The following BACH1 variants were observed in gnomAD, a reference collection of about 807,000 sequenced individuals.
BACH1 encodes the protein BTB domain and CNC homolog 1, also known as transcription regulator protein BACH1.
In BACH1, 35 loss-of-function variants were observed where a neutral mutation model predicts 52.9. The ratio of observed to expected loss-of-function variants is 0.66; its 90% CI spans 0.51 to 0.88. The LOEUF (loss-of-function observed/expected upper bound fraction) is 0.88. Among genes scored for constraint, BACH1 ranks in the 40% least tolerant of loss-of-function variants. The pLI is 0.00. For synonymous variants in BACH1, 321 were observed against 319.6 expected, an observed-to-expected ratio of 1.00 and a Z score of -0.05; for missense variants, 808 against 872.6, an observed-to-expected ratio of 0.93 and a Z score of 0.93.
chr21:29,341,217 AT>A (rs1158342076), intron 4 of BACH1, among the ~76,000 whole-genome samples: 24 of 152,314 alleles, frequency 1.6e-4, no homozygotes, highest in African/African-American at 5.8e-4. Flanking sequence ...CTTTTATGTC[AT>A]AAAAGACTAA....
intron 4 of BACH1, among the ~76,000 whole-genome samples, chr21:29,332,430 G>A (rs1242388399): frequency 6.6e-6 from 1 of 152,198 alleles, no homozygotes; most frequent in African/African-American, 2.4e-5. Flanking sequence ...TGAATGGTCA[G>A]TATCCTGTTT....
At chr21:29,329,165 A>G (rs920768656) in intron 3 of BACH1, among the ~76,000 whole-genome samples, 1 of 152,152 alleles carries the variant, frequency 6.6e-6, no homozygotes, top group Non-Finnish European at 1.5e-5. Context: ...AAAATTAGCC[A>G]GGCATGGTGG....
intron 1 of BACH1, among the ~76,000 whole-genome samples, chr21:29,309,859 C>T (rs956772853): frequency 6.6e-6 from 1 of 152,100 alleles, no homozygotes; most frequent in Non-Finnish European, 1.5e-5. Context: ...TTTAACACTT[C>T]ATATTTTTCA....
downstream of BACH1, among the ~76,000 whole-genome samples, chr21:29,347,391 G>A (rs1026035681): frequency 6.6e-6 from 1 of 152,164 alleles, no homozygotes; most frequent in Non-Finnish European, 1.5e-5. Context: ...ACTTAATGAC[G>A]CTAAAAATTT....
intron 4 of BACH1, among the ~76,000 whole-genome samples, chr21:29,331,825 G>A (rs565774151): frequency 4.6e-5 from 7 of 152,248 alleles, no homozygotes; most frequent in African/African-American, 1.2e-4. Flanking sequence ...TGCCTGGCAC[G>A]TAGTAACTAC....
chr21:29,358,800 A>AAGAAAG (rs1555888624), intron 2 of BACH1, among the ~76,000 whole-genome samples: 3 of 137,470 alleles, frequency 2.2e-5, no homozygotes, highest in African/African-American at 7.5e-5. Context: ...GAAAGAAAGA[A>AAGAAAG]AGAAAGAAAG....
chr21:29,313,958 A>T (rs2123422085), intron 1 of BACH1, among the ~76,000 whole-genome samples: 1 of 152,262 alleles, frequency 6.6e-6, no homozygotes, highest in Non-Finnish European at 1.5e-5. Flanking sequence ...TTAAATAGAT[A>T]TGGTTTATTC....
chr21:29,299,662 G>A (rs935220249), intron 1 of BACH1: 2 of 152,232 alleles, frequency 1.3e-5, no homozygotes. Flanking sequence ...CACGAGTGCC[G>A]TTGCTTTCTC....
At chr21:29,306,610 A>G (rs2088660970) in intron 1 of BACH1, among the ~76,000 whole-genome samples, 1 of 152,146 alleles carries the variant, frequency 6.6e-6, no homozygotes. Context: ...TTGAGAGTAG[A>G]TACGTGAGCA....
rs1184481687 is a variant in BACH1 at position 29,298,939 on chromosome 21, C to G, written c.-75C>G. ...CTCGCTTCAGTCAGTCGGGCCGCGC[C>G]GCGCCTCAGCTCTGGTGAGTGGCTC... is the stretch of plus-strand genomic sequence containing the variant. On this transcript the variant is annotated 5_prime_UTR_variant, in exon 1 of 5. Transcript: ENST00000286800. The G allele has an allele frequency of 4.6e-5, 7 of 150,910 alleles. No individual in the cohort carries two copies. The highest frequency in any genetic ancestry group is 1.2e-4 in the African/African-American group (5 of 40,434). 9.3% of individuals were successfully genotyped at this position (150,910 alleles called of 1,614,324 possible).
chr21:29,322,789 G>T (rs1052987639), intron 2 of BACH1, among the ~76,000 whole-genome samples: 6 of 152,174 alleles, frequency 3.9e-5, no homozygotes, highest in Non-Finnish European at 2.9e-5. Context: ...TGTTAGTTTT[G>T]TAGCAGAGGT....
At chr21:29,330,165 C>A (rs1465164714) in intron 4 of BACH1, among the ~76,000 whole-genome samples, 1 of 151,826 alleles carries the variant, frequency 6.6e-6, no homozygotes, top group Non-Finnish European at 1.5e-5. Context: ...GCTTTTGAAT[C>A]TTTTCTTTTT....
intron 1 of BACH1, among the ~76,000 whole-genome samples, chr21:29,311,892 T>C (rs2088727575): frequency 6.6e-6 from 1 of 152,226 alleles, no homozygotes; most frequent in Admixed American, 6.5e-5. Flanking sequence ...TAATTAAGTC[T>C]CTCATTATTT....
chr21:29,340,507 C>T (rs1414792003), intron 4 of BACH1, among the ~76,000 whole-genome samples: 1 of 152,132 alleles, frequency 6.6e-6, no homozygotes, highest in Non-Finnish European at 1.5e-5. Flanking sequence ...TATTTGTAAT[C>T]TTCATAGTAT....
intron 1 of BACH1, among the ~76,000 whole-genome samples, chr21:29,318,297 G>C (rs1233793809): frequency 6.6e-6 from 1 of 152,218 alleles, no homozygotes; most frequent in Non-Finnish European, 1.5e-5. Context: ...GTGGACCCCA[G>C]TGCTAAGAGG....
At chr21:29,324,030 T>A (rs1276832957) in intron 2 of BACH1, among the ~76,000 whole-genome samples, 1 of 152,088 alleles carries the variant, frequency 6.6e-6, no homozygotes, top group Non-Finnish European at 1.5e-5. Flanking sequence ...GGCAGGCAGA[T>A]CACCTGAGGT....
chr21:29,342,469 A>G lies in BACH1; in HGVS notation c.1847A>G (p.Asn616Ser). 2 of 1,614,250 alleles carry G rather than the reference A, an allele frequency of 1.2e-6. No individual in the cohort carries two copies. The highest frequency in any genetic ancestry group is 8.5e-7 in the Non-Finnish European group (1 of 1,180,044). ...ILSTLGETKQ[N>S]LTGLCQKVCK... is the part of the protein sequence containing the mutation. Reference sequence around the variant, plus strand: ...TCAACTCTGGGTGAGACAAAGCAGAACCTAACTGGACTTTGCCAGAAAGTT... The same window carrying G: ...TCAACTCTGGGTGAGACAAAGCAGAGCCTAACTGGACTTTGCCAGAAAGTT... Residue 616 changes from asparagine to serine, a missense_variant, in exon 5 of 5, where the codon AAC becomes AGC. Asn to Ser is a conservative substitution (Grantham distance 46). Coordinates refer to ENST00000286800, the MANE Select transcript of BACH1 (RefSeq NM_001186.4).
chr21:29,337,607 T>C (rs1385128104), intron 4 of BACH1, among the ~76,000 whole-genome samples: 1 of 152,214 alleles, frequency 6.6e-6, no homozygotes, highest in Non-Finnish European at 1.5e-5. Flanking sequence ...TGAAACCAGT[T>C]TTTTTCCTCA....
chr21:29,316,580 T>C (rs1410491229), intron 1 of BACH1, among the ~76,000 whole-genome samples: 1 of 152,170 alleles, frequency 6.6e-6, no homozygotes, highest in Non-Finnish European at 1.5e-5. Flanking sequence ...GCATGATGGA[T>C]GTTAGAGGAC....
Sources: allele counts gnomAD v4.1 joint callset (sites outside exome capture counted in the v4.1 genomes callset), GRCh38; gene constraint gnomAD v4.1.1; transcripts MANE v1.5; gene names NCBI Gene and HGNC (gene_info 2026-07-23, HGNC 2026-07-21).